MYBPC1: variants seen among roughly 807,000 people sequenced by gnomAD.
MYBPC1 encodes the protein myosin-binding protein C, slow-type.
Under a neutral mutation model 147.1 loss-of-function variants are expected in MYBPC1, and 52 were observed. That is an observed-to-expected ratio of 0.35 (90% CI 0.28 to 0.45). MYBPC1 has a LOEUF of 0.45. MYBPC1 is among the 20% of genes least tolerant of loss of function. The pLI, the probability that MYBPC1 is intolerant of heterozygous loss-of-function variation, is 1.00. For missense variants in MYBPC1, 1,228 were observed against 1,440.3 expected (o/e 0.85, Z 2.39); for synonymous variants, 477 against 475.9 (o/e 1.00, Z -0.03).
chr12:101,606,370 T>C (rs1348678961), intron 1 of MYBPC1, among the ~76,000 whole-genome samples: 1 of 152,136 alleles, frequency 6.6e-6, no homozygotes, highest in Non-Finnish European at 1.5e-5. Context: ...GCATTACTAT[T>C]AGGAAAATCA....
chr12:101,639,416 G>T (rs1169846082), intron 10 of MYBPC1, among the ~76,000 whole-genome samples: 1 of 152,202 alleles, frequency 6.6e-6, no homozygotes, highest in Non-Finnish European at 1.5e-5. Flanking sequence ...TATGTTCCAG[G>T]TGCATTAAGG....
intron 1 of MYBPC1, 59 bp from the exon 2 acceptor site, chr12:101,614,437 A>C: frequency 1.9e-6 from 3 of 1,598,718 alleles, no homozygotes; most frequent in Non-Finnish European, 2.6e-6. Flanking sequence ...GGGCTGTAGA[A>C]AGCAGTTCTT....
Position 101,678,095 on chromosome 12 carries a change from T to C in MYBPC1, c.3110-7T>C, listed in dbSNP as rs1316464613. The C allele has an allele frequency of 1.9e-6, 3 of 1,611,712 alleles. No individual in the cohort carries two copies. Among genetic ancestry groups the C allele is most frequent in the South Asian group, 2.2e-5 (2 of 91,054 alleles). On this transcript the variant is annotated splice_region_variant and splice_polypyrimidine_tract_variant and intron_variant, in intron 27 of 31. Transcript: ENST00000361466. ...ATTTTAACATATTTGTAATGCTTGT[T>C]TTTAAGGTAAAATCTACAAAAATCC...
At chr12:101,611,437 C>T (rs1884242968) in intron 1 of MYBPC1, among the ~76,000 whole-genome samples, 1 of 152,146 alleles carries the variant, frequency 6.6e-6, no homozygotes, top group Non-Finnish European at 1.5e-5. Flanking sequence ...TAGAATTCAC[C>T]ATTGGCCTTA....
intron 20 of MYBPC1, 123 bp from the exon 21 acceptor site, chr12:101,662,235 C>T: frequency 1.3e-6 from 1 of 767,108 alleles, no homozygotes; most frequent in Non-Finnish European, 2.1e-6. Flanking sequence ...TATTTACATA[C>T]ATATATGACT....
At chr12:101,597,325 C>T (rs772723430) in intron 1 of MYBPC1, among the ~76,000 whole-genome samples, 3 of 152,162 alleles carry the variant, frequency 2.0e-5, no homozygotes, top group Non-Finnish European at 4.4e-5. Context: ...CCCCACAGCT[C>T]GTAAAGCCAT....
intron 12 of MYBPC1, among the ~76,000 whole-genome samples, chr12:101,645,687 T>C (rs111674640): frequency 2.1e-3 from 324 of 152,364 alleles, no homozygotes; most frequent in Non-Finnish European, 3.2e-3. Context: ...GTAGAAAATA[T>C]TTTTAAATAT....
At chr12:101,683,337 GGAGGA>G (rs1239293116) in intron 30 of MYBPC1, among the ~76,000 whole-genome samples, 1 of 152,048 alleles carries the variant, frequency 6.6e-6, no homozygotes, top group African/African-American at 2.4e-5. Flanking sequence ...AGCTGAGGCA[GGAGGA>G]TCACTTGAAT....
rs1427618053 is a variant in MYBPC1 at position 101,629,548 on chromosome 12, A to C, written c.289+4A>C. The C allele has an allele frequency of 6.3e-7, 1 of 1,595,570 alleles. No homozygotes were observed. The highest frequency in any genetic ancestry group is 8.6e-7 in the Non-Finnish European group (1 of 1,163,320). On this transcript the variant is annotated splice_donor_region_variant and intron_variant, in intron 6 of 31. Coordinates refer to ENST00000361466, the MANE Select transcript of MYBPC1 (RefSeq NM_002465.4). ...CAAGGAGGAACAGTGAAAGTTGGTG[A>C]GTGCCTAGCATTCAATCCTTCCTTT...
intron 28 of MYBPC1, among the ~76,000 whole-genome samples, chr12:101,679,382 T>C (rs1011873215): frequency 6.6e-6 from 1 of 152,020 alleles, no homozygotes; most frequent in African/African-American, 2.4e-5. Flanking sequence ...TTTAGAAAGG[T>C]GTGAGGCTCA....
chr12:101,659,846 T>A lies in MYBPC1; in HGVS notation c.1927+15T>A, dbSNP rs781256673. The stretch of plus-strand genomic sequence containing the variant: ...TAAAGTTGTGGGTAAGTCCTCCAGG[T>A]AAACGCACTTCTAGAATCAAGCTGA... On this transcript the variant is annotated intron_variant, in intron 19 of 31. Transcript: ENST00000361466. 2 of 1,613,884 alleles carry A rather than the reference T, an allele frequency of 1.2e-6. No individual in the cohort carries two copies. Among genetic ancestry groups the A allele is most frequent in the South Asian group, 2.2e-5 (2 of 91,064 alleles).
Position 101,677,374 on chromosome 12 carries a change from G to A in MYBPC1, c.3089G>A (p.Ser1030Asn). Residue 1030 changes from serine to asparagine, a missense_variant, in exon 27 of 32, where the codon AGT (serine) becomes AAT (asparagine). Ser to Asn is a conservative substitution (Grantham distance 46, BLOSUM62 1). This residue lies in a region of MYBPC1 where 1,077 missense variants were observed against 1,314.2 expected (regional missense o/e 0.82). Transcript: ENST00000361466. Reference protein sequence around the residue: ...LSEDATMTKESAVIARDGKIY... With the variant: ...LSEDATMTKENAVIARDGKIY... ...GAGGATGCCACCATGACTAAAGAGA[G>A]TGCAGTGATCGCCAGGGATGGTGAG... 2 of 1,614,004 alleles carry A rather than the reference G, an allele frequency of 1.2e-6. No individual in the cohort carries two copies. The highest frequency in any genetic ancestry group is 8.5e-7 in the Non-Finnish European group (1 of 1,179,972).
At position 101,614,525 on chromosome 12, in the gene MYBPC1, C is replaced by T. The variant is rs149776048; in HGVS notation, c.55C>T (p.Pro19Ser). The T allele has an allele frequency of 1.3e-5, 21 of 1,613,584 alleles. No individual in the cohort carries two copies. In the African/African-American group the frequency reaches 2.8e-4, roughly 22 times the overall value. The change falls in exon 2 of 32, where the codon CCG (proline) becomes TCG (serine). Residue 19 changes from proline to serine, a missense_variant. Transcript: ENST00000361466. ...TGAAGTGCCAGCCCCAGCCCCACCC[C>T]CGGAAGGTGAGTAAAAACACTCACT... is the stretch of plus-strand genomic sequence containing the variant. ...ENEVPAPAPP[P>S]EEPSKEKEAG...
chr12:101,645,020 G>A (rs1434122057), intron 12 of MYBPC1, among the ~76,000 whole-genome samples: 1 of 151,978 alleles, frequency 6.6e-6, no homozygotes, highest in Non-Finnish European at 1.5e-5. Context: ...TATTTAAAGT[G>A]TTTTCCAATT....
At chr12:101,682,516 G>T in intron 29 of MYBPC1, 88 bp from the exon 30 acceptor site, 1 of 1,216,780 alleles carries the variant, frequency 8.2e-7, no homozygotes, top group Non-Finnish European at 1.2e-6. Context: ...CTGATAATAG[G>T]TAACTTGAAT....
rs1215172042 is a variant in MYBPC1, at chr12:101,673,628, T to C, written c.2809+6T>C. The C allele has an allele frequency of 6.2e-7, 1 of 1,614,046 alleles. No homozygotes were observed. Among genetic ancestry groups the C allele is most frequent in the Non-Finnish European group, 8.5e-7 (1 of 1,179,994 alleles). ...AATTGACATCCAGATCATTGGTAGG[T>C]TTAGATGAAGGAGCCAGAAAGTTCT... On this transcript the variant is annotated splice_donor_region_variant and intron_variant, in intron 25 of 31. Coordinates refer to ENST00000361466, the MANE Select transcript of MYBPC1 (RefSeq NM_002465.4).
intron 28 of MYBPC1, among the ~76,000 whole-genome samples, chr12:101,679,608 T>A (rs1056421159): frequency 3.3e-5 from 5 of 152,200 alleles, no homozygotes; most frequent in African/African-American, 4.8e-5. Context: ...AATGAAGTCA[T>A]CTTCCTGGGC....
chr12:101,670,481 T>A (rs1898410882), intron 24 of MYBPC1, 72 bp downstream of exon 24: 4 of 1,273,656 alleles, frequency 3.1e-6, no homozygotes, highest in Non-Finnish European at 4.6e-6. Flanking sequence ...AGAGGTACTC[T>A]AGCATTTAAG....
chr12:101,671,347 A>G (rs936757584), intron 24 of MYBPC1, among the ~76,000 whole-genome samples: 8 of 151,834 alleles, frequency 5.3e-5, no homozygotes, highest in Admixed American at 3.3e-4. Flanking sequence ...ACTCACACAC[A>G]CACACTCACA....
Sources: gnomAD v4.1 joint callset for allele counts (sites outside exome capture counted in the v4.1 genomes callset) on GRCh38, gnomAD v4.1.1 for gene constraint, gnomAD v4.1.1 regional missense constraint, MANE v1.5 for transcripts, NCBI Gene and HGNC (gene_info 2026-07-23, HGNC 2026-07-21) for gene names.